Variants in EXOC2 observed in about 807,000 individuals in gnomAD.
The protein encoded by EXOC2 is SEC5-like 1.
Under a neutral mutation model 131.8 loss-of-function variants are expected in EXOC2, and 70 were observed. The ratio of observed to expected loss-of-function variants is 0.53; its 90% confidence interval spans 0.44 to 0.65. The LOEUF (loss-of-function observed/expected upper bound fraction) is 0.65. EXOC2 is among the 30% of genes least tolerant of loss of function. The pLI is 0.00. For synonymous variants in EXOC2, 411 were observed against 398.4 expected (o/e 1.03, Z -0.38); for missense variants, 923 against 1,108.6 (o/e 0.83, Z 2.38).
At chr6:655,890 C>T (rs1022577462) in intron 1 of EXOC2, 2 of 441,074 alleles carry the variant, frequency 4.5e-6, no homozygotes, top group Non-Finnish European at 8.0e-6. Flanking sequence ...GAATCTTAAG[C>T]AGGAAAAAAA....
chr6:563,812 T>C (rs1195847120), intron 16 of EXOC2, among the ~76,000 whole-genome samples: 1 of 152,218 alleles, frequency 6.6e-6, no homozygotes, highest in Non-Finnish European at 1.5e-5. Context: ...CTTTAAACAT[T>C]TTCAAGTGTA....
chr6:589,272 C>A (rs1380370049), intron 11 of EXOC2, among the ~76,000 whole-genome samples: 1 of 151,650 alleles, frequency 6.6e-6, no homozygotes, highest in Admixed American at 6.6e-5. Flanking sequence ...CCGTCGAGCA[C>A]CCGCACGGTG....
chr6:592,224 T>C (rs935956040), intron 11 of EXOC2, among the ~76,000 whole-genome samples: 20 of 152,028 alleles, frequency 1.3e-4, no homozygotes, highest in African/African-American at 4.6e-4. Flanking sequence ...CTCCTCGGCA[T>C]CACGCTGCCT....
intron 3 of EXOC2, among the ~76,000 whole-genome samples, chr6:631,335 C>G (rs370287971): frequency 6.6e-6 from 1 of 152,060 alleles, no homozygotes; most frequent in Non-Finnish European, 1.5e-5. Flanking sequence ...GTCCGGAGTT[C>G]GAGACCAGCC....
chr6:562,260 G>C (rs1757739544), intron 17 of EXOC2, among the ~76,000 whole-genome samples: 1 of 152,230 alleles, frequency 6.6e-6, no homozygotes, highest in African/African-American at 2.4e-5. Context: ...AGGACCGCGA[G>C]GGGCACCCGT....
At chr6:530,512 A>T (rs1766014174) in intron 23 of EXOC2, among the ~76,000 whole-genome samples, 1 of 152,190 alleles carries the variant, frequency 6.6e-6, no homozygotes, top group Admixed American at 6.5e-5. Context: ...TCACGAATGG[A>T]GGTAGGCCAA....
chr6:620,713 T>TC (rs1761244873), intron 4 of EXOC2, among the ~76,000 whole-genome samples: 1 of 152,126 alleles, frequency 6.6e-6, no homozygotes, highest in Non-Finnish European at 1.5e-5. Context: ...TGATCCACAC[T>TC]CCAACTTCAC....
At chr6:567,107 A>G (rs1436756162) in intron 13 of EXOC2, among the ~76,000 whole-genome samples, 2 of 152,166 alleles carry the variant, frequency 1.3e-5, no homozygotes, top group Admixed American at 6.5e-5. Flanking sequence ...GTCCCCACCA[A>G]TTGATTCTGA....
intron 1 of EXOC2, among the ~76,000 whole-genome samples, chr6:665,045 G>C (rs535071724): frequency 1.3e-5 from 2 of 151,896 alleles, no homozygotes; most frequent in African/African-American, 4.8e-5. Context: ...TCTGACAAAG[G>C]ACTAATACCC....
intron 25 of EXOC2, among the ~76,000 whole-genome samples, chr6:493,019 C>G (rs1763525606): frequency 6.6e-6 from 1 of 152,216 alleles, no homozygotes; most frequent in Non-Finnish European, 1.5e-5. Context: ...AGCAGACCCA[C>G]TGACAATGAT....
chr6:648,986 T>C (rs1307072967), intron 1 of EXOC2, among the ~76,000 whole-genome samples: 1 of 152,136 alleles, frequency 6.6e-6, no homozygotes, highest in Admixed American at 6.5e-5. Context: ...GTGCTGGGAT[T>C]ACAGGCATGA....
intron 23 of EXOC2, among the ~76,000 whole-genome samples, chr6:516,423 C>G (rs1333481826): frequency 6.6e-6 from 1 of 152,200 alleles, no homozygotes; most frequent in Non-Finnish European, 1.5e-5. Context: ...TCACTGCACC[C>G]CTAGCCCCGG....
At chr6:537,631 CAA>C (rs374744165) in intron 22 of EXOC2, among the ~76,000 whole-genome samples, 4 of 152,162 alleles carry the variant, frequency 2.6e-5, no homozygotes, top group African/African-American at 9.7e-5. Flanking sequence ...CAAACATCCA[CAA>C]AGAGACTTAC....
intron 12 of EXOC2, among the ~76,000 whole-genome samples, chr6:574,187 C>G (rs967543110): frequency 1.3e-5 from 2 of 152,344 alleles, no homozygotes; most frequent in Non-Finnish European, 2.9e-5. Flanking sequence ...CAGCCAGTAA[C>G]TGTATACCTA....
chr6:534,760 G>A (rs1461333459), intron 22 of EXOC2, among the ~76,000 whole-genome samples: 1 of 152,206 alleles, frequency 6.6e-6, no homozygotes. Context: ...ATGAACTACT[G>A]AGGAAAACAG....
At chr6:529,247 T>C (rs116752977) in intron 23 of EXOC2, among the ~76,000 whole-genome samples, 2,220 of 152,306 alleles carry the variant, frequency 0.015, 49 homozygotes, top group African/African-American at 0.05. Context: ...TGGGCCTTCA[T>C]AGATGTCTGT....
At chr6:621,874 C>A (rs1561936528) in intron 4 of EXOC2, among the ~76,000 whole-genome samples, 1 of 152,188 alleles carries the variant, frequency 6.6e-6, no homozygotes, top group Non-Finnish European at 1.5e-5. Context: ...AAAATCCTTT[C>A]ACCTTTGGAA....
intron 11 of EXOC2, among the ~76,000 whole-genome samples, chr6:582,080 A>G (rs1240607745): frequency 6.6e-6 from 1 of 152,226 alleles, no homozygotes; most frequent in Non-Finnish European, 1.5e-5. Context: ...AAAATTTAAA[A>G]TTTATCATTT....
chr6:625,740 C>G (rs1761531184), intron 4 of EXOC2, among the ~76,000 whole-genome samples: 1 of 152,046 alleles, frequency 6.6e-6, no homozygotes, highest in Non-Finnish European at 1.5e-5. Flanking sequence ...TGTTTGAAGC[C>G]AGGCCGATTC....
Sources: allele counts gnomAD v4.1 joint callset (sites outside exome capture counted in the v4.1 genomes callset), GRCh38; gene constraint gnomAD v4.1.1; transcripts MANE v1.5; gene names NCBI Gene and HGNC (gene_info 2026-07-23, HGNC 2026-07-21).